Variants in AOPEP observed in about 807,000 individuals in gnomAD.
AOPEP encodes the protein aminopeptidase O (putative).
A neutral mutation model predicts 98.1 loss-of-function variants in AOPEP; 77 were observed. The ratio of observed to expected loss-of-function variants is 0.78; its 90% CI spans 0.65 to 0.95. The LOEUF is 0.95. Ranked by LOEUF, AOPEP falls within the 40% of genes least tolerant of loss-of-function variation. The pLI, the probability that AOPEP is intolerant of heterozygous loss-of-function variation, is 0.00. For missense variants in AOPEP, 1,024 were observed against 1,024.7 expected (o/e 1.00, Z 0.01); for synonymous variants, 346 against 365.3 (o/e 0.95, Z 0.60).
intron 5 of AOPEP, among the ~76,000 whole-genome samples, chr9:94,885,691 G>A (rs1455313496): frequency 6.6e-6 from 1 of 152,068 alleles, no homozygotes; most frequent in Non-Finnish European, 1.5e-5. Flanking sequence ...CCATCCATAA[G>A]TGCCTACATG....
chr9:95,069,720 TTG>T (rs1383777308), intron 14 of AOPEP, among the ~76,000 whole-genome samples: 3 of 152,266 alleles, frequency 2.0e-5, no homozygotes, highest in African/African-American at 7.2e-5. Context: ...TATTTGATGT[TTG>T]TCATCACACT....
intron 5 of AOPEP, among the ~76,000 whole-genome samples, chr9:94,913,547 C>T (rs1240015319): frequency 6.6e-6 from 1 of 152,144 alleles, no homozygotes; most frequent in Non-Finnish European, 1.5e-5. Flanking sequence ...TTATGAATCC[C>T]CAATAGCCAG....
intron 5 of AOPEP, among the ~76,000 whole-genome samples, chr9:94,858,896 C>T (rs747129665): frequency 1.3e-5 from 2 of 151,812 alleles, no homozygotes; most frequent in African/African-American, 2.4e-5. Context: ...GGTGTGGTAG[C>T]GGGTGCCTGT....
intron 5 of AOPEP, among the ~76,000 whole-genome samples, chr9:94,819,775 G>A (rs555848891): frequency 2.7e-4 from 41 of 150,870 alleles, no homozygotes; most frequent in African/African-American, 1.0e-3. Context: ...GTCTGACTAC[G>A]TTGCCTAGGC....
chr9:95,046,918 T>G (rs1003426050), intron 13 of AOPEP, among the ~76,000 whole-genome samples: 1 of 152,254 alleles, frequency 6.6e-6, no homozygotes, highest in Non-Finnish European at 1.5e-5. Context: ...TCTGCTTGTT[T>G]TAACTTAAAA....
chr9:94,813,073 GT>G (rs1046279801), intron 5 of AOPEP, among the ~76,000 whole-genome samples: 10 of 152,114 alleles, frequency 6.6e-5, no homozygotes, highest in African/African-American at 1.9e-4. Context: ...AGGAATTCTC[GT>G]GGGTTTTCGA....
At chr9:94,814,520 C>T (rs1311597333) in intron 5 of AOPEP, among the ~76,000 whole-genome samples, 2 of 152,210 alleles carry the variant, frequency 1.3e-5, no homozygotes, top group Non-Finnish European at 2.9e-5. Flanking sequence ...ACAAGGATGT[C>T]ATCCACATAT....
At chr9:94,997,391 T>C (rs905170727) in intron 11 of AOPEP, among the ~76,000 whole-genome samples, 7 of 152,236 alleles carry the variant, frequency 4.6e-5, no homozygotes, top group Non-Finnish European at 1.0e-4. Flanking sequence ...ATCTGTGGCA[T>C]TGACTTTGAA....
chr9:95,043,864 C>T (rs1273119657), intron 13 of AOPEP, among the ~76,000 whole-genome samples: 2 of 152,114 alleles, frequency 1.3e-5, no homozygotes, highest in Admixed American at 1.3e-4. Context: ...AGAGTTTTGG[C>T]CCAGTCTGAT....
the AOPEP span, among the ~76,000 whole-genome samples, chr9:95,132,786 G>A: frequency 8.5e-5 from 13 of 152,202 alleles, no homozygotes; most frequent in African/African-American, 2.9e-4. Context: ...GAGTCCAAGA[G>A]GCCAAAGAAC....
intron 5 of AOPEP, among the ~76,000 whole-genome samples, chr9:94,894,713 T>C (rs561493850): frequency 5.3e-5 from 8 of 152,306 alleles, no homozygotes; most frequent in Non-Finnish European, 1.2e-4. Context: ...AGCAAAATAC[T>C]AATGCCATAA....
intron 5 of AOPEP, among the ~76,000 whole-genome samples, chr9:94,828,923 C>T (rs1370465073): frequency 6.6e-6 from 1 of 151,052 alleles, no homozygotes; most frequent in Admixed American, 6.6e-5. Flanking sequence ...GGCTGGAGTG[C>T]AGTGGCCCAA....
In AOPEP at chr9:95,005,514, T is replaced by C. The variant is rs1237772527; in HGVS notation, c.2041-28T>C. 4 of 1,607,912 alleles carry C rather than the reference T, an allele frequency of 2.5e-6. No homozygotes were observed. The South Asian group carries it at 3.3e-5, about 13-fold the overall frequency. ...GGCCGTCAGGACCCTGTCGCCTTCT[T>C]TGAAATGCTGTGGTTTTTGAACCTC... is the stretch of plus-strand genomic sequence containing the variant. On this transcript the variant is annotated intron_variant, in intron 12 of 16. Coordinates refer to ENST00000375315, the MANE Select transcript of AOPEP (RefSeq NM_001193329.3).
chr9:94,941,368 G>A (rs944334047), intron 7 of AOPEP, among the ~76,000 whole-genome samples: 1 of 152,230 alleles, frequency 6.6e-6, no homozygotes, highest in African/African-American at 2.4e-5. Context: ...CCTCAGGCAC[G>A]TGGGATTCCC....
chr9:95,107,492 G>T, the AOPEP span: 3 of 609,020 alleles, frequency 4.9e-6, no homozygotes, highest in East Asian at 2.8e-5. Flanking sequence ...CAAGCAGTCA[G>T]GGCACCATGC....
chr9:94,874,655 A>G (rs1374378936), intron 5 of AOPEP, among the ~76,000 whole-genome samples: 2 of 152,080 alleles, frequency 1.3e-5, no homozygotes, highest in Non-Finnish European at 2.9e-5. Flanking sequence ...GTTAAAGGCC[A>G]GAAGAAATAT....
At chr9:95,016,010 T>G (rs1402763851) in intron 13 of AOPEP, among the ~76,000 whole-genome samples, 1 of 151,926 alleles carries the variant, frequency 6.6e-6, no homozygotes, top group Non-Finnish European at 1.5e-5. Flanking sequence ...CCCCGGAAAT[T>G]GATCTTTTAT....
At chr9:94,979,306 C>CT in intron 10 of AOPEP, 61 bp from the exon 11 acceptor site, 2 of 1,084,730 alleles carry the variant, frequency 1.8e-6, no homozygotes, top group South Asian at 2.7e-5. Flanking sequence ...GAGAACCAGT[C>CT]TGTGTAATAA....
At chr9:94,901,861 A>G (rs911081160) in intron 5 of AOPEP, among the ~76,000 whole-genome samples, 1 of 152,128 alleles carries the variant, frequency 6.6e-6, no homozygotes, top group East Asian at 1.9e-4. Context: ...GTGAGCTGAG[A>G]TCGCGCCACT....
Sources: gnomAD v4.1 joint callset for allele counts (sites outside exome capture counted in the v4.1 genomes callset) on GRCh38, gnomAD v4.1.1 for gene constraint, MANE v1.5 for transcripts, NCBI Gene and HGNC (gene_info 2026-07-23, HGNC 2026-07-21) for gene names.